TBX2: variants seen among roughly 807,000 people sequenced by gnomAD.
TBX2 encodes the protein T-box transcription factor TBX2.
A neutral mutation model predicts 48.4 loss-of-function variants in TBX2; 19 were observed. The ratio of observed to expected loss-of-function variants is 0.39; its 90% CI spans 0.27 to 0.58. The LOEUF is 0.58. Ranked by LOEUF, TBX2 falls within the 20% of genes least tolerant of loss-of-function variation. The pLI is 0.54. For missense variants in TBX2, 994 were observed against 1,006.5 expected, an observed-to-expected ratio of 0.99 and a Z score of 0.17; for synonymous variants, 522 against 459.7, an observed-to-expected ratio of 1.14 and a Z score of -1.73.
At position 61,406,149 on chromosome 17, in the gene TBX2, T is replaced by G; in HGVS notation, c.1686+313T>G. ...AGGAGTGCGGTGCCCATCGAGACTC[T>G]TCTCACCCTCACAGACCAGGGCCAC... On this transcript the variant is annotated intron_variant, in intron 6 of 6. Transcript: ENST00000240328. This position sits in a 1 kb window ranked among gnomAD's most constrained non-coding sequence, Gnocchi z 5.7. The G allele has an allele frequency of 3.3e-6, 1 of 299,946 alleles. No homozygotes were observed. The highest frequency in any genetic ancestry group is 6.1e-6 in the Non-Finnish European group (1 of 163,418). 18.6% of individuals were successfully genotyped at this position (299,946 alleles called of 1,614,324 possible).
In TBX2 at chr17:61,403,307, G is replaced by T. The variant is rs2060272912; in HGVS notation, c.810+100G>T. 1.0e-5 allele frequency: 16 copies of T among 1,524,634 alleles called. No homozygotes were observed. Among genetic ancestry groups the T allele is most frequent in the Non-Finnish European group, 1.4e-5 (16 of 1,143,298 alleles). 94.4% of individuals were successfully genotyped at this position (1,524,634 alleles called of 1,614,324 possible). On this transcript the variant is annotated intron_variant, in intron 3 of 6. Coordinates refer to ENST00000240328, the MANE Select transcript of TBX2 (RefSeq NM_005994.4). The surrounding 1 kb of genome is among the most constrained non-coding windows in gnomAD (Gnocchi z 5.8). ...TCGCCCCTCGAAGCCCCCTGCACGG[G>T]ATCCGCGCTCTTGCGGCCCGCCCCC...
rs1322724409 is a variant in TBX2 at position 61,405,553 on chromosome 17, T to C, written c.1403T>C (p.Leu468Pro). 1.3e-5 allele frequency: 21 copies of C among 1,596,178 alleles called. No individual in the cohort carries two copies. The highest frequency in any genetic ancestry group is 8.5e-7 in the Non-Finnish European group (1 of 1,175,128). Reference protein sequence around the residue: ...SPLGAGHLPGLAFSSHLHGQQ... With the variant: ...SPLGAGHLPGPAFSSHLHGQQ... The stretch of plus-strand genomic sequence containing the variant: ...CTGGGCGCCGGACACCTGCCCGGCC[T>C]GGCCTTTTCCAGCCACTTGCACGGG... Residue 468 changes from leucine to proline, a missense_variant, in exon 6 of 7, where the codon CTG becomes CCG. Leu to Pro is a moderately conservative substitution (Grantham distance 98, BLOSUM62 -3). Transcript: ENST00000240328.
At chr17:61,407,759 G>A (rs8078036) in intron 6 of TBX2, 228,898 of 371,782 alleles carry the variant, frequency 0.62, 75,847 homozygotes, top group Non-Finnish European at 0.72. Flanking sequence ...GCCTTCACCC[G>A]TGCTAGGGCA....
In TBX2 at chr17:61,408,177, G is replaced by T. The variant is rs147014278; in HGVS notation, c.1810G>T (p.Gly604Cys). The T allele has an allele frequency of 1.6e-4, 253 of 1,612,714 alleles. No individual in the cohort carries two copies. Among genetic ancestry groups the T allele is most frequent in the Non-Finnish European group, 2.0e-4 (240 of 1,179,788 alleles). Residue 604 changes from glycine to cysteine, a missense_variant, in exon 7 of 7, where the codon GGC becomes TGC. Around this residue, in one of 5 missense-constraint regions of TBX2, gnomAD observed 639 missense variants for 613.2 expected, o/e 1.04. Coordinates refer to ENST00000240328, the MANE Select transcript of TBX2 (RefSeq NM_005994.4). ...TGCAGCTGCCGCCGCCGCAGCCGCCGGCTCCCTCTCCCGGAGCCCCTTCCT... is the reference window on the plus strand; with the variant it reads ...TGCAGCTGCCGCCGCCGCAGCCGCCTGCTCCCTCTCCCGGAGCCCCTTCCT... ...SAAAAAAAAA[G>C]SLSRSPFLGS...
chr17:61,408,458 G>C lies in TBX2; in HGVS notation c.2091G>C (p.Gly697=). The change falls in exon 7 of 7, where the codon GGG becomes GGC. Residue 697 remains glycine, a synonymous_variant. Transcript: ENST00000240328. ...ELQSIQRLVS[G]LESQRALSPG... ...AGAGCATCCAGAGACTGGTGAGTGG[G>C]CTGGAGAGCCAGCGAGCCCTCTCCC... 6.8e-7 allele frequency: 1 copy of C among 1,469,378 alleles called. No homozygotes were observed. The highest frequency in any genetic ancestry group is 9.0e-7 in the Non-Finnish European group (1 of 1,106,804). The allele number at this position is 1,469,378 out of a possible 1,614,324, so 91.0% of individuals were successfully genotyped here.
In TBX2 at chr17:61,403,223, G is replaced by T; in HGVS notation, c.810+16G>T. The T allele has an allele frequency of 1.9e-6, 3 of 1,610,876 alleles. No homozygotes were observed. Among genetic ancestry groups the T allele is most frequent in the Non-Finnish European group, 2.5e-6 (3 of 1,179,848 alleles). On this transcript the variant is annotated intron_variant, in intron 3 of 6. Coordinates refer to ENST00000240328, the MANE Select transcript of TBX2 (RefSeq NM_005994.4). The surrounding 1 kb of genome is among the most constrained non-coding windows in gnomAD (Gnocchi z 5.8). ...GAATGACAAGGTGCGCGCGGCGGGC[G>T]GTGGGCTAAGCCCCTGCACTGACGC...
In TBX2 at chr17:61,402,802, A is replaced by C. The variant is rs1603241070; in HGVS notation, c.664-259A>C. The stretch of plus-strand genomic sequence containing the variant: ...TGTCTCATTTCTGTTTCCAACTGGG[A>C]AATTTTTTTTAATGGCAAGAGAAAA... On this transcript the variant is annotated intron_variant, in intron 2 of 6. Transcript: ENST00000240328. Among the ~76,000 whole-genome samples, 8 of 151,640 alleles carry C rather than the reference A, an allele frequency of 5.3e-5. No individual in the cohort carries two copies. In the South Asian group the frequency reaches 1.7e-3, roughly 32 times the overall value.
rs544694899 is a variant in TBX2, at chr17:61,403,932, T to C, written c.811-489T>C. 1.6e-4 allele frequency among the ~76,000 whole-genome samples: 24 copies of C among 152,236 alleles called. 1 individual carries two copies. The South Asian group carries it at 4.8e-3, about 30-fold the overall frequency. ...CTGTGCGTGCCCCGTTTGGGGTGTG[T>C]TGGATACCTGTGGAGGCATGTGAAT... On this transcript the variant is annotated intron_variant, in intron 3 of 6. Transcript: ENST00000240328. This position sits in a 1 kb window ranked among gnomAD's most constrained non-coding sequence, Gnocchi z 5.8.
intron 6 of TBX2, chr17:61,407,293 C>T (rs1420466031): frequency 6.6e-6 from 1 of 152,246 alleles, no homozygotes; most frequent in Non-Finnish European, 1.5e-5. Context: ...CCTGGGAGCC[C>T]AGTGCAATCA....
Position 61,404,732 on chromosome 17 carries a change from C to A in TBX2, c.1014C>A (p.Gly338=). 2 of 1,552,562 alleles carry A rather than the reference C, an allele frequency of 1.3e-6. No homozygotes were observed. Among genetic ancestry groups the A allele is most frequent in the Non-Finnish European group, 1.7e-6 (2 of 1,150,340 alleles). The change falls in exon 5 of 7, where the codon GGC becomes GGA. Residue 338 remains glycine (G), a synonymous_variant. Coordinates refer to ENST00000240328, the MANE Select transcript of TBX2 (RefSeq NM_005994.4). Reference sequence around the variant, plus strand: ...CGCGGGAACCACCCACCTCCCCGGGCGCAGCGCCCAGTCCGCTGCGCCTGC... The same window carrying A: ...CGCGGGAACCACCCACCTCCCCGGGAGCAGCGCCCAGTCCGCTGCGCCTGC... ...PPAREPPTSP[G]AAPSPLRLHR...
rs746759936 is a variant in TBX2 at position 61,408,327 on chromosome 17, C to T, written c.1960C>T (p.Arg654Trp). 1.5e-5 allele frequency: 24 copies of T among 1,608,312 alleles called. No homozygotes were observed. In the South Asian group the frequency reaches 1.5e-4, roughly 10 times the overall value. The change falls in exon 7 of 7, where the codon CGG becomes TGG. Residue 654 changes from arginine to tryptophan, a missense_variant. Physicochemically the swap from Arg to Trp is moderately radical, Grantham distance 101 (BLOSUM62 -3). Around this residue, in one of 5 missense-constraint regions of TBX2, gnomAD observed 639 missense variants for 613.2 expected, o/e 1.04. Coordinates refer to ENST00000240328, the MANE Select transcript of TBX2 (RefSeq NM_005994.4). ...CTCCAAGGCCGCTGGTGGAAACAGC[C>T]GGGAGCCTAGCCCCCTGCCCGAGCT... ...EGSKAAGGNS[R>W]EPSPLPELAL... is the part of the protein sequence containing the mutation.
In TBX2 at chr17:61,402,930, T is replaced by TAGAGAGAGAG. The variant is rs1555876930; in HGVS notation, c.664-99_664-90dup. The TAGAGAGAGAG allele has an allele frequency of 6.8e-3, 1,166 of 171,860 alleles. 8 individuals are homozygous for TAGAGAGAGAG. Among genetic ancestry groups the TAGAGAGAGAG allele is most frequent in the Middle Eastern group, 0.019 (14 of 726 alleles). The allele number at this position is 171,860 out of a possible 1,614,324, so 10.6% of individuals were successfully genotyped here. A position where few individuals can be genotyped will look rare whatever the true frequency, so the allele number is the denominator to read the frequency against. On this transcript the variant is annotated intron_variant, in intron 2 of 6. Coordinates refer to ENST00000240328, the MANE Select transcript of TBX2 (RefSeq NM_005994.4). ...GAAAATGGGGAAGAGGAAGAACCGATAGAGAGAGAGAGAGAGAGAGAGAGA... is the reference window on the plus strand; with the variant it reads ...GAAAATGGGGAAGAGGAAGAACCGATAGAGAGAGAGAGAGAGAGAGAGAGAGAGAGAGAGA...
chr17:61,404,617 C>T lies in TBX2; in HGVS notation c.899C>T (p.Thr300Met), dbSNP rs769157834. The change falls in exon 5 of 7, where the codon ACG becomes ATG. Residue 300 changes from threonine to methionine, a missense_variant. Physicochemically the swap from Thr to Met is moderately conservative, Grantham distance 81 (BLOSUM62 -1). Around this residue, in one of 5 missense-constraint regions of TBX2, gnomAD observed 639 missense variants for 613.2 expected, o/e 1.04. Transcript: ENST00000240328. ...NGRREKRKQL[T>M]LPSLRLYEEH... is the part of the protein sequence containing the mutation. ...CCGCTCATCCCCAGGAAGCAGCTGA[C>T]GCTGCCGTCTCTACGCTTGTACGAG... The T allele has an allele frequency of 1.1e-5, 18 of 1,581,922 alleles. No homozygotes were observed. Among genetic ancestry groups the T allele is most frequent in the Non-Finnish European group, 2.6e-6 (3 of 1,161,968 alleles).
In TBX2 at chr17:61,404,801, G is replaced by A. The variant is rs778451863; in HGVS notation, c.1051+32G>A. Reference sequence around the variant, plus strand: ...GTCGGACCGGAGGAGGGACAGGGAGGTGGCGGCGGGGGGTCCTCAGGTCGC... The same window carrying A: ...GTCGGACCGGAGGAGGGACAGGGAGATGGCGGCGGGGGGTCCTCAGGTCGC... On this transcript the variant is annotated intron_variant, in intron 5 of 6. Coordinates refer to ENST00000240328, the MANE Select transcript of TBX2 (RefSeq NM_005994.4). 2.0e-6 allele frequency: 3 copies of A among 1,488,010 alleles called. No individual in the cohort carries two copies. In the East Asian group the frequency reaches 7.4e-5, roughly 37 times the overall value. 92.2% of individuals were successfully genotyped at this position (1,488,010 alleles called of 1,614,324 possible). A position where few individuals can be genotyped will look rare whatever the true frequency, so the allele number is the denominator to read the frequency against.
chr17:61,402,095 G>A lies in TBX2; in HGVS notation c.663+144G>A, dbSNP rs1025256683. The A allele has an allele frequency of 3.1e-6, 4 of 1,273,200 alleles. No individual in the cohort carries two copies. The African/African-American group carries it at 6.0e-5, about 19-fold the overall frequency. 78.9% of individuals were successfully genotyped at this position (1,273,200 alleles called of 1,614,324 possible). On this transcript the variant is annotated intron_variant, in intron 2 of 6. Transcript: ENST00000240328. ...GCCCCTGCCCGGGTCACTGCCCTGT[G>A]GTCTACGTGGGCTGGGCCTGGGCCT... is the stretch of plus-strand genomic sequence containing the variant.
Position 61,400,131 on chromosome 17 carries a change from C to T in TBX2, c.-46C>T. On this transcript the variant is annotated 5_prime_UTR_variant, in exon 1 of 7. Transcript: ENST00000240328. The surrounding 1 kb of genome is among the most constrained non-coding windows in gnomAD (Gnocchi z 9.2). ...CGGGCCGGGGGTCCGAGCCGCGCGC[C>T]CCCGGCCCCGGCCCCGGCCCCCGGG... 1 of 965,242 alleles carries T rather than the reference C, an allele frequency of 1.0e-6. No homozygotes were observed. Among genetic ancestry groups the T allele is most frequent in the Non-Finnish European group, 1.2e-6 (1 of 813,604 alleles). 59.8% of individuals were successfully genotyped at this position (965,242 alleles called of 1,614,324 possible).
In TBX2 at chr17:61,408,803, C is replaced by T. The variant is rs1158253498; in HGVS notation, c.*297C>T. On this transcript the variant is annotated 3_prime_UTR_variant, in exon 7 of 7. Coordinates refer to ENST00000240328, the MANE Select transcript of TBX2 (RefSeq NM_005994.4). The stretch of plus-strand genomic sequence containing the variant: ...TGGTCTTCCAGCGAGGTGGGAGAGG[C>T]CTCATCCAGGGCCCAGCGGTCCCTG... The T allele has an allele frequency of 1.8e-5, 6 of 335,328 alleles. No individual in the cohort carries two copies. The highest frequency in any genetic ancestry group is 3.2e-5 in the Non-Finnish European group (6 of 187,380). The allele number at this position is 335,328 out of a possible 1,614,324, so 20.8% of individuals were successfully genotyped here.
intron 1 of TBX2, among the ~76,000 whole-genome samples, chr17:61,401,437 C>A (rs1223025030): frequency 6.6e-6 from 1 of 152,194 alleles, no homozygotes; most frequent in African/African-American, 2.4e-5. Context: ...GTCCCCAGAT[C>A]TGAGCACAAG....
In TBX2 at chr17:61,404,691, T is replaced by A; in HGVS notation, c.973T>A (p.Cys325Ser). ...TGGCGCGGAGTCAGACGCCTCGTCG[T>A]GCGACCCTCCCCCCGCGCGGGAACC... is the stretch of plus-strand genomic sequence containing the variant. Reference protein sequence around the residue: ...RDGAESDASSCDPPPAREPPT... With the variant: ...RDGAESDASSSDPPPAREPPT... The change falls in exon 5 of 7, where the codon TGC (cysteine) becomes AGC (serine). Residue 325 changes from cysteine (C) to serine (S), a missense_variant. Around this residue, in one of 5 missense-constraint regions of TBX2, gnomAD observed 639 missense variants for 613.2 expected, o/e 1.04. Transcript: ENST00000240328. 1 of 1,577,580 alleles carries A rather than the reference T, an allele frequency of 6.3e-7. No homozygotes were observed.
Sources: gnomAD v4.1 joint callset for allele counts (sites outside exome capture counted in the v4.1 genomes callset) on GRCh38, gnomAD v4.1.1 for gene constraint, gnomAD v4.1.1 regional missense constraint, Gnocchi (gnomAD v3.1) non-coding constraint, MANE v1.5 for transcripts, NCBI Gene and HGNC (gene_info 2026-07-23, HGNC 2026-07-21) for gene names.